Variants in SLC35F4 observed in about 807,000 individuals in gnomAD.
SLC35F4 encodes the protein solute carrier family 35 member F4, also known as chromosome 14 open reading frame 36.
In SLC35F4, 24 loss-of-function variants were observed where a neutral mutation model predicts 44.2. That is an observed-to-expected ratio of 0.54 (90% confidence interval 0.39 to 0.76). SLC35F4 has a LOEUF of 0.76. Ranked by LOEUF, SLC35F4 falls within the 30% of genes least tolerant of loss-of-function variation. The pLI is 0.00. For synonymous variants in SLC35F4, 238 were observed against 223.6 expected (o/e 1.06, Z -0.57); for missense variants, 562 against 586.1 (o/e 0.96, Z 0.42).
chr14:57,757,250 G>GT (rs2077015620), intron 1 of SLC35F4, among the ~76,000 whole-genome samples: 1 of 152,044 alleles, frequency 6.6e-6, no homozygotes, highest in African/African-American at 2.4e-5. Context: ...CATGGTTTAT[G>GT]TTTTGCCACA....
intron 1 of SLC35F4, among the ~76,000 whole-genome samples, chr14:57,616,983 T>C (rs188863663): frequency 1.7e-4 from 26 of 152,158 alleles, no homozygotes; most frequent in African/African-American, 5.5e-4. Context: ...TATGAAAATG[T>C]GGTTTTCTGT....
At chr14:57,947,251 G>GTTTTTTTTT (rs71104597) in intron 1 of SLC35F4, among the ~76,000 whole-genome samples, 1 of 138,668 alleles carries the variant, frequency 7.2e-6, no homozygotes. Flanking sequence ...TGGGTTTTTT[G>GTTTTTTTTT]TTTTTTTTTT....
chr14:57,893,047 A>G (rs1888802900), intron 1 of SLC35F4, among the ~76,000 whole-genome samples: 1 of 152,218 alleles, frequency 6.6e-6, no homozygotes, highest in South Asian at 2.1e-4. Context: ...GATAACAAAA[A>G]TAGTTATGGC....
intron 1 of SLC35F4, among the ~76,000 whole-genome samples, chr14:57,613,117 T>C (rs951279462): frequency 1.1e-4 from 17 of 152,292 alleles, no homozygotes; most frequent in African/African-American, 3.9e-4. Flanking sequence ...CTTCTCTGTC[T>C]TATGGGAGAG....
intron 1 of SLC35F4, among the ~76,000 whole-genome samples, chr14:57,744,742 T>C (rs561626337): frequency 3.3e-5 from 5 of 152,280 alleles, no homozygotes; most frequent in Admixed American, 6.5e-5. Flanking sequence ...AAAAAACTAC[T>C]TTAAAGTTCA....
At chr14:57,889,082 C>T (rs1250415167) in intron 1 of SLC35F4, among the ~76,000 whole-genome samples, 2 of 152,102 alleles carry the variant, frequency 1.3e-5, no homozygotes, top group South Asian at 2.1e-4. Flanking sequence ...TTTTTTTCTG[C>T]ATTGAATGTC....
intron 1 of SLC35F4, among the ~76,000 whole-genome samples, chr14:57,716,165 G>A (rs1296350453): frequency 6.6e-6 from 1 of 152,156 alleles, no homozygotes; most frequent in Non-Finnish European, 1.5e-5. Context: ...GGCAGCAAAG[G>A]TGCCATTAGG....
chr14:57,909,556 AC>A (rs1889175589), intron 1 of SLC35F4, among the ~76,000 whole-genome samples: 2 of 150,910 alleles, frequency 1.3e-5, no homozygotes, highest in African/African-American at 2.4e-5. Flanking sequence ...ACACACACAC[AC>A]ACACACACAC....
rs139149657 is a variant in SLC35F4, at chr14:57,933,344, C to T, written n.282+48569G>A. Reference sequence around the variant, plus strand: ...GGCCTCTCCTATTTACTTTTAAGTACAGCAAGTTTGGTGTCTCATCCAAAG... The same window carrying T: ...GGCCTCTCCTATTTACTTTTAAGTATAGCAAGTTTGGTGTCTCATCCAAAG... On this transcript the variant is annotated intron_variant and non_coding_transcript_variant, in intron 1 of 1. Transcript: ENST00000556568. Among the ~76,000 whole-genome samples, 5 of 152,194 alleles carry T rather than the reference C, an allele frequency of 3.3e-5. No individual in the cohort carries two copies. The East Asian group carries it at 7.7e-4, about 24-fold the overall frequency.
chr14:57,857,655 T>C (rs552341481), intron 1 of SLC35F4, among the ~76,000 whole-genome samples: 1 of 152,040 alleles, frequency 6.6e-6, no homozygotes, highest in African/African-American at 2.4e-5. Context: ...ATGGGTGAGA[T>C]AGTTTTGTGC....
At chr14:57,571,140 G>A (rs1003606829) in intron 5 of SLC35F4, among the ~76,000 whole-genome samples, 12 of 152,196 alleles carry the variant, frequency 7.9e-5, no homozygotes, top group African/African-American at 2.7e-4. Context: ...AACACCAAGA[G>A]AGGTGAAATT....
At chr14:57,836,394 G>A (rs1342937525) in intron 1 of SLC35F4, among the ~76,000 whole-genome samples, 2 of 152,314 alleles carry the variant, frequency 1.3e-5, no homozygotes, top group East Asian at 3.9e-4. Flanking sequence ...CCTGGTTCAA[G>A]TGATTCTCCT....
chr14:57,747,393 G>T (rs1352347645), intron 1 of SLC35F4, among the ~76,000 whole-genome samples: 1 of 152,148 alleles, frequency 6.6e-6, no homozygotes, highest in South Asian at 2.1e-4. Context: ...TATGTCTTAA[G>T]TATATTACTA....
intron 1 of SLC35F4, among the ~76,000 whole-genome samples, chr14:57,650,127 C>T (rs563582615): frequency 3.9e-5 from 6 of 152,124 alleles, no homozygotes; most frequent in East Asian, 1.9e-4. Context: ...TTGGAGCGCC[C>T]GAGGTCTGGT....
At chr14:57,652,529 GA>G (rs2140205871) in intron 1 of SLC35F4, among the ~76,000 whole-genome samples, 1 of 152,274 alleles carries the variant, frequency 6.6e-6, no homozygotes, top group East Asian at 1.9e-4. Context: ...CATGTTCAGA[GA>G]TGCTTTTTGG....
intron 1 of SLC35F4, among the ~76,000 whole-genome samples, chr14:57,803,975 C>A (rs193080088): frequency 6.6e-6 from 1 of 152,034 alleles, no homozygotes; most frequent in Non-Finnish European, 1.5e-5. Context: ...TGTACACCAA[C>A]AACAAGCAAG....
intron 1 of SLC35F4, among the ~76,000 whole-genome samples, chr14:57,807,308 C>A (rs1881442362): frequency 6.7e-6 from 1 of 149,432 alleles, no homozygotes; most frequent in South Asian, 2.1e-4. Context: ...AATTCTGCCC[C>A]AGCTGGTGCT....
chr14:57,697,663 T>G (rs2075421068), intron 1 of SLC35F4, among the ~76,000 whole-genome samples: 1 of 150,348 alleles, frequency 6.7e-6, no homozygotes, highest in African/African-American at 2.5e-5. Flanking sequence ...ATTGTGCCAC[T>G]GCATGCCAAC....
At chr14:57,642,768 T>A (rs1254863450) in intron 1 of SLC35F4, among the ~76,000 whole-genome samples, 2 of 151,944 alleles carry the variant, frequency 1.3e-5, no homozygotes, top group Non-Finnish European at 2.9e-5. Context: ...AAAGTATTTA[T>A]ATACATAATA....
Sources: gnomAD v4.1 joint callset for allele counts (sites outside exome capture counted in the v4.1 genomes callset) on GRCh38, gnomAD v4.1.1 for gene constraint, MANE v1.5 for transcripts, NCBI Gene and HGNC (gene_info 2026-07-23, HGNC 2026-07-21) for gene names.